THSD7A: variants seen among roughly 807,000 people sequenced by gnomAD.
The protein encoded by THSD7A is thrombospondin type-1 domain-containing protein 7A.
Under a neutral mutation model 231.3 loss-of-function variants are expected in THSD7A, and 96 were observed. The observed-to-expected ratio is 0.41, with a 90% CI of 0.35 to 0.49. THSD7A has a LOEUF of 0.49. Among genes scored for constraint, THSD7A ranks in the 20% least tolerant of loss-of-function variants. The pLI is 0.05. For synonymous variants in THSD7A, 940 were observed against 743.3 expected (o/e 1.26, Z -4.30); for missense variants, 2,290 against 2,070.2 (o/e 1.11, Z -2.06).
At chr7:11,717,062 G>A (rs113335391) in intron 1 of THSD7A, among the ~76,000 whole-genome samples, 2,680 of 147,868 alleles carry the variant, frequency 0.018, 39 homozygotes, top group African/African-American at 0.037. Context: ...ATTCTTTTTC[G>A]TAGTAATGTG....
intron 1 of THSD7A, among the ~76,000 whole-genome samples, chr7:11,796,967 A>C (rs1234161316): frequency 6.6e-6 from 1 of 152,130 alleles, no homozygotes; most frequent in African/African-American, 2.4e-5. Context: ...TGTGGCAGGT[A>C]ATTTTTTTTC....
chr7:11,819,815 G>T (rs1003121224), intron 1 of THSD7A, among the ~76,000 whole-genome samples: 1 of 152,110 alleles, frequency 6.6e-6, no homozygotes, highest in Admixed American at 6.5e-5. Flanking sequence ...AACCATGGAC[G>T]TTGGTTAATA....
intron 1 of THSD7A, among the ~76,000 whole-genome samples, chr7:11,710,926 T>C (rs1780938065): frequency 6.6e-6 from 1 of 150,830 alleles, no homozygotes; most frequent in Non-Finnish European, 1.5e-5. Flanking sequence ...AAATAATATA[T>C]ACAATAAAAG....
rs1011557612 is a variant in THSD7A, at chr7:11,379,012, T to C, written c.4801+58A>G. 10 of 1,544,274 alleles carry C rather than the reference T, an allele frequency of 6.5e-6. No individual in the cohort carries two copies. In the African/African-American group the frequency reaches 1.4e-4, roughly 21 times the overall value. ...ATGCTTTGCTCACTTTTTTAATCCT[T>C]TGGCATTGCCTAAAAGAACTAAAGG... On this transcript the variant is annotated intron_variant, in intron 26 of 27. Coordinates refer to ENST00000423059, the MANE Select transcript of THSD7A (RefSeq NM_015204.3).
chr7:11,734,109 A>G (rs1412429197), intron 1 of THSD7A, among the ~76,000 whole-genome samples: 4 of 151,880 alleles, frequency 2.6e-5, no homozygotes, highest in East Asian at 2.0e-4. Context: ...GTCATGTCCA[A>G]TTAGCCCCCA....
intron 1 of THSD7A, among the ~76,000 whole-genome samples, chr7:11,726,875 T>G (rs1781565462): frequency 6.6e-6 from 1 of 151,918 alleles, no homozygotes. Flanking sequence ...AGATTACCCT[T>G]TCAGTCATCT....
intron 6 of THSD7A, among the ~76,000 whole-genome samples, chr7:11,505,450 T>G (rs920191494): frequency 6.6e-6 from 1 of 151,798 alleles, no homozygotes; most frequent in Non-Finnish European, 1.5e-5. Context: ...TGTAAAGTTT[T>G]TTTTTTTTTT....
intron 4 of THSD7A, among the ~76,000 whole-genome samples, chr7:11,557,546 C>T (rs978487970): frequency 6.6e-6 from 1 of 151,990 alleles, no homozygotes; most frequent in African/African-American, 2.4e-5. Context: ...ACATTTTTGC[C>T]TCATGTCACA....
At chr7:11,459,864 T>G (rs1785440248) in intron 11 of THSD7A, among the ~76,000 whole-genome samples, 1 of 151,970 alleles carries the variant, frequency 6.6e-6, no homozygotes, top group African/African-American at 2.4e-5. Flanking sequence ...AAATACGTTT[T>G]TTATAAATTA....
intron 16 of THSD7A, among the ~76,000 whole-genome samples, chr7:11,418,398 C>CT (rs1226813871): frequency 1.3e-5 from 2 of 151,862 alleles, no homozygotes; most frequent in Admixed American, 6.5e-5. Context: ...TCAGACTTCA[C>CT]TTTTACCATA....
chr7:11,569,414 T>C (rs1162423203), intron 4 of THSD7A, among the ~76,000 whole-genome samples: 1 of 151,984 alleles, frequency 6.6e-6, no homozygotes, highest in Non-Finnish European at 1.5e-5. Flanking sequence ...GGCCAACAGA[T>C]ACATGAAAAA....
intron 1 of THSD7A, among the ~76,000 whole-genome samples, chr7:11,699,520 T>C (rs1365513474): frequency 6.6e-6 from 1 of 151,314 alleles, no homozygotes; most frequent in Non-Finnish European, 1.5e-5. Flanking sequence ...AAATGCTTAG[T>C]TCTATACACT....
chr7:11,590,597 G>A lies in THSD7A; in HGVS notation c.1316C>T (p.Pro439Leu), dbSNP rs557343659. 3 of 1,613,328 alleles carry A rather than the reference G, an allele frequency of 1.9e-6. No homozygotes were observed. Among genetic ancestry groups the A allele is most frequent in the East Asian group, 2.2e-5 (1 of 44,858 alleles). Reference protein sequence around the residue: ...TTEWTECRVDPLLSQQDKRRG... With the variant: ...TTEWTECRVDLLLSQQDKRRG... ...CCTCTTGTCCTGCTGACTGAGCAAA[G>A]GGTCCACACGGCACTCAGTCCACTC... The change falls in exon 4 of 28, where the codon CCT (proline) becomes CTT (leucine). Residue 439 changes from proline (P) to leucine (L), a missense_variant. By Grantham distance (98) the Pro-to-Leu change is moderately conservative. Transcript: ENST00000423059. The surrounding 1 kb of genome is among the most constrained non-coding windows in gnomAD (Gnocchi z 4.4).
chr7:11,478,576 T>C (rs889936302), intron 7 of THSD7A, among the ~76,000 whole-genome samples: 2 of 150,296 alleles, frequency 1.3e-5, no homozygotes, highest in African/African-American at 2.5e-5. Context: ...AGCCTAGCAA[T>C]AAAAGGAAGT....
chr7:11,397,934 G>A (rs556632989), intron 23 of THSD7A, among the ~76,000 whole-genome samples: 67 of 152,298 alleles, frequency 4.4e-4, no homozygotes, highest in African/African-American at 1.6e-3. Flanking sequence ...AAACAGGAAT[G>A]CTTTTACACT....
chr7:11,379,362 T>A, intron 25 of THSD7A, 82 bp from the exon 26 acceptor site: 1 of 1,387,856 alleles, frequency 7.2e-7, no homozygotes, highest in Non-Finnish European at 1.0e-6. Flanking sequence ...GAGAAGGCTT[T>A]AAACAAGGTT....
At chr7:11,606,063 G>T (rs1780723270) in intron 2 of THSD7A, among the ~76,000 whole-genome samples, 1 of 152,132 alleles carries the variant, frequency 6.6e-6, no homozygotes, top group African/African-American at 2.4e-5. Context: ...GTCAAAATGT[G>T]ATCCATGAAT....
chr7:11,827,856 C>A lies in THSD7A; in HGVS notation c.190+3901G>T, dbSNP rs1174758379. Among the ~76,000 whole-genome samples the A allele has an allele frequency of 2.0e-5, 3 of 152,148 alleles. No homozygotes were observed. The East Asian group carries it at 5.8e-4, about 29-fold the overall frequency. On this transcript the variant is annotated intron_variant, in intron 1 of 27. Transcript: ENST00000423059. ...TCACAACACTAAGCAATCTGTTCTT[C>A]CTTTTTTCATACCCTGTACCTCCTT...
chr7:11,801,066 C>T lies in THSD7A; in HGVS notation c.190+30691G>A, dbSNP rs1226824776. On this transcript the variant is annotated intron_variant, in intron 1 of 27. Transcript: ENST00000423059. ...CCTGTAATCCTAGCACTTTGGGAGGCTGAGGTGGGAGGATCTCTTGGGCCC... is the reference window on the plus strand; with the variant it reads ...CCTGTAATCCTAGCACTTTGGGAGGTTGAGGTGGGAGGATCTCTTGGGCCC... 2.0e-5 allele frequency among the ~76,000 whole-genome samples: 3 copies of T among 152,166 alleles called. No individual in the cohort carries two copies. The East Asian group carries it at 5.8e-4, about 29-fold the overall frequency.
Sources: gnomAD v4.1 joint callset for allele counts (sites outside exome capture counted in the v4.1 genomes callset) on GRCh38, gnomAD v4.1.1 for gene constraint, Gnocchi (gnomAD v3.1) non-coding constraint, MANE v1.5 for transcripts, NCBI Gene and HGNC (gene_info 2026-07-23, HGNC 2026-07-21) for gene names.